Variants in PCDH15 observed in about 807,000 individuals in gnomAD.
PCDH15 encodes the protein protocadherin-15.
Under a neutral mutation model 178.5 loss-of-function variants are expected in PCDH15, and 129 were observed. The ratio of observed to expected loss-of-function variants is 0.72; its 90% CI spans 0.63 to 0.84. The LOEUF (loss-of-function observed/expected upper bound fraction) is 0.84, where lower values mean the gene tolerates loss of function less well. Ranked by LOEUF, PCDH15 falls within the 40% of genes least tolerant of loss-of-function variation. The probability of loss-of-function intolerance (pLI) is 0.00; values close to 1 mark genes in which losing one functional copy is unlikely to be tolerated. For synonymous variants in PCDH15, 800 were observed against 732.0 expected (o/e 1.09, Z -1.50); for missense variants, 2,230 against 2,099.9 (o/e 1.06, Z -1.21).
At chr10:54,843,514 AT>A (rs1053702245) in intron 3 of PCDH15, among the ~76,000 whole-genome samples, 10 of 151,950 alleles carry the variant, frequency 6.6e-5, no homozygotes, top group African/African-American at 2.4e-4. Context: ...ACTTAACGTT[AT>A]TTTTATGTCC....
rs2092983429 is a variant in PCDH15 at position 54,023,270 on chromosome 10, T to C, written c.2221-73A>G. ...GGCTACTGTAAATGAAGGTAACAGTTAACAAATTATGGTATTTTTCTAACC... is the reference window on the plus strand; with the variant it reads ...GGCTACTGTAAATGAAGGTAACAGTCAACAAATTATGGTATTTTTCTAACC... On this transcript the variant is annotated intron_variant, in intron 18 of 37. Coordinates refer to ENST00000644397, the MANE Select transcript of PCDH15 (RefSeq NM_001384140.1). The C allele has an allele frequency of 3.6e-6, 5 of 1,397,670 alleles. No individual in the cohort carries two copies. In the East Asian group the frequency reaches 1.2e-4, roughly 33 times the overall value. The allele number at this position is 1,397,670 out of a possible 1,614,324, so 86.6% of individuals were successfully genotyped here.
intron 21 of PCDH15, among the ~76,000 whole-genome samples, chr10:53,969,224 T>C (rs1564889175): frequency 6.6e-6 from 1 of 152,094 alleles, no homozygotes; most frequent in African/African-American, 2.4e-5. Context: ...CAAGCTTCAG[T>C]AGCCGATTTG....
At chr10:55,135,064 T>C (rs571334822) in intron 2 of PCDH15, among the ~76,000 whole-genome samples, 1 of 152,296 alleles carries the variant, frequency 6.6e-6, no homozygotes, top group Admixed American at 6.5e-5. Flanking sequence ...TTTGGCCTTT[T>C]GTTATTTTTG....
intron 28 of PCDH15, among the ~76,000 whole-genome samples, chr10:53,856,590 A>G (rs558302204): frequency 6.6e-6 from 1 of 152,086 alleles, no homozygotes; most frequent in Admixed American, 6.6e-5. Flanking sequence ...TGGAGCCACA[A>G]AATCAAGGTA....
rs2094312946 is a variant in PCDH15 at position 54,074,930 on chromosome 10, A to C, written c.2091+4401T>G. ...GCGTCTCTACTGGGTGTGAGGTGGC[A>C]CCTCATTGTGGCCTTGATTTGCATT... On this transcript the variant is annotated intron_variant, in intron 17 of 37. Coordinates refer to ENST00000644397, the MANE Select transcript of PCDH15 (RefSeq NM_001384140.1). Among the ~76,000 whole-genome samples, 2 of 151,126 alleles carry C rather than the reference A, an allele frequency of 1.3e-5. 1 individual carries two copies. The highest frequency in any genetic ancestry group is 4.2e-4 in the South Asian group (2 of 4,774).
chr10:54,574,489 G>C (rs188164051), intron 2 of PCDH15, among the ~76,000 whole-genome samples: 1 of 152,060 alleles, frequency 6.6e-6, no homozygotes, highest in East Asian at 1.9e-4. Flanking sequence ...TTTTGGCTTA[G>C]GACATGAACA....
chr10:54,607,850 G>T (rs572372958), intron 2 of PCDH15: 7 of 529,062 alleles, frequency 1.3e-5, no homozygotes, highest in Admixed American at 3.9e-5. Context: ...GAGGCCTACT[G>T]TGAGCAAGAC....
At chr10:54,920,799 T>A (rs902620855) in intron 2 of PCDH15, among the ~76,000 whole-genome samples, 1 of 152,180 alleles carries the variant, frequency 6.6e-6, no homozygotes, top group Non-Finnish European at 1.5e-5. Context: ...CAGAATGGAA[T>A]ATACACAACT....
At chr10:54,057,734 TCTC>T (rs1202233352) in intron 18 of PCDH15, among the ~76,000 whole-genome samples, 1 of 152,226 alleles carries the variant, frequency 6.6e-6, no homozygotes, top group Non-Finnish European at 1.5e-5. Flanking sequence ...AGTTTGAATT[TCTC>T]CTCAGAAAAT....
chr10:55,551,939 T>C (rs2132088823), intron 2 of PCDH15, among the ~76,000 whole-genome samples: 1 of 151,888 alleles, frequency 6.6e-6, no homozygotes, highest in Non-Finnish European at 1.5e-5. Flanking sequence ...AATTTAGCAT[T>C]ATTTTTTCTT....
At chr10:54,722,429 A>C (rs72794550) in intron 1 of PCDH15, among the ~76,000 whole-genome samples, 18,476 of 151,670 alleles carry the variant, frequency 0.12, 1,255 homozygotes, top group African/African-American at 0.17. Flanking sequence ...TTTAACTAGC[A>C]GTCAATTCTG....
chr10:54,626,833 G>A (rs1373224883), intron 2 of PCDH15, among the ~76,000 whole-genome samples: 1 of 152,124 alleles, frequency 6.6e-6, no homozygotes, highest in Non-Finnish European at 1.5e-5. Flanking sequence ...TGGAAAAGCT[G>A]CAGACACTCA....
At chr10:55,582,923 T>G (rs1234840713) in intron 2 of PCDH15, among the ~76,000 whole-genome samples, 1 of 151,988 alleles carries the variant, frequency 6.6e-6, no homozygotes. Flanking sequence ...CATTAATATA[T>G]TCACAAAATA....
chr10:55,511,599 T>C (rs1393109235), intron 2 of PCDH15, among the ~76,000 whole-genome samples: 1 of 152,020 alleles, frequency 6.6e-6, no homozygotes, highest in East Asian at 1.9e-4. Flanking sequence ...TTTTACTAGG[T>C]TTGTTGAAGA....
chr10:55,347,574 T>C (rs1181020926), intron 2 of PCDH15, among the ~76,000 whole-genome samples: 1 of 152,280 alleles, frequency 6.6e-6, no homozygotes, highest in East Asian at 1.9e-4. Context: ...ACTTCAGCAA[T>C]AGGAGGCAGT....
intron 1 of PCDH15, among the ~76,000 whole-genome samples, chr10:54,749,951 T>G (rs913679080): frequency 6.6e-6 from 1 of 152,064 alleles, no homozygotes; most frequent in Non-Finnish European, 1.5e-5. Context: ...TTTTTTAACT[T>G]CCCTGATCTC....
chr10:54,202,550 C>T (rs563702722), intron 10 of PCDH15, among the ~76,000 whole-genome samples: 1 of 152,074 alleles, frequency 6.6e-6, no homozygotes, highest in Non-Finnish European at 1.5e-5. Flanking sequence ...CAGTGTCTCA[C>T]GCCTGTAATC....
At chr10:54,599,929 A>G in intron 2 of PCDH15, 1 of 852,814 alleles carries the variant, frequency 1.2e-6, no homozygotes, top group Admixed American at 2.1e-5. Flanking sequence ...AGTGGCCACT[A>G]AGGAGGAGTT....
chr10:53,909,303 C>G (rs1046725128), intron 25 of PCDH15, among the ~76,000 whole-genome samples: 1 of 152,118 alleles, frequency 6.6e-6, no homozygotes, highest in Non-Finnish European at 1.5e-5. Flanking sequence ...AACTGTGAGT[C>G]AATTAAATCT....
Sources: allele counts gnomAD v4.1 joint callset (sites outside exome capture counted in the v4.1 genomes callset), GRCh38; gene constraint gnomAD v4.1.1; transcripts MANE v1.5; gene names NCBI Gene and HGNC (gene_info 2026-07-23, HGNC 2026-07-21).